The following C12orf42 variants were observed in gnomAD, a reference collection of about 807,000 sequenced individuals.
The protein encoded by C12orf42 is uncharacterized protein C12orf42.
A neutral mutation model predicts 21.6 loss-of-function variants in C12orf42; 25 were observed. The ratio of observed to expected loss-of-function variants is 1.16; its 90% CI spans 0.84 to 1.62. The LOEUF is 1.62. Among genes scored for constraint, C12orf42 ranks in the 40% most tolerant of loss-of-function variants. The pLI is 0.00. For synonymous variants in C12orf42, 174 were observed against 175.0 expected (o/e 0.99, Z 0.05); for missense variants, 483 against 459.3 (o/e 1.05, Z -0.47).
intron 4 of C12orf42, among the ~76,000 whole-genome samples, chr12:103,327,681 C>G (rs1347184535): frequency 1.3e-5 from 2 of 152,168 alleles, no homozygotes; most frequent in African/African-American, 4.8e-5. Flanking sequence ...ACCATACATA[C>G]AGGTAGGATG....
the C12orf42 span, among the ~76,000 whole-genome samples, chr12:103,085,589 G>T: frequency 6.7e-6 from 1 of 150,044 alleles, no homozygotes; most frequent in African/African-American, 2.5e-5. Context: ...GACCTCCTCC[G>T]CTCAAATTAA....
chr12:103,476,244 A>G (rs1592972121), intron 2 of C12orf42, among the ~76,000 whole-genome samples: 1 of 152,188 alleles, frequency 6.6e-6, no homozygotes, highest in Non-Finnish European at 1.5e-5. Context: ...CAGCTCTGAG[A>G]CATGTTTGTT....
chr12:103,514,469 G>A, the C12orf42 span, among the ~76,000 whole-genome samples: 1 of 152,120 alleles, frequency 6.6e-6, no homozygotes, highest in Non-Finnish European at 1.5e-5. Flanking sequence ...AAGTGTGCAG[G>A]GCAGGGCCTA....
At chr12:103,230,760 T>G in the C12orf42 span, among the ~76,000 whole-genome samples, 1 of 152,242 alleles carries the variant, frequency 6.6e-6, no homozygotes, top group Non-Finnish European at 1.5e-5. Flanking sequence ...TAACTTTTAC[T>G]TTGTTGATTC....
the C12orf42 span, among the ~76,000 whole-genome samples, chr12:103,074,682 G>A: frequency 6.6e-6 from 1 of 152,180 alleles, no homozygotes; most frequent in Non-Finnish European, 1.5e-5. Context: ...ATAATATATA[G>A]TGATACCTAT....
chr12:103,102,764 G>A, the C12orf42 span, among the ~76,000 whole-genome samples: 2 of 152,152 alleles, frequency 1.3e-5, no homozygotes, highest in African/African-American at 4.8e-5. Context: ...GTCAGGTTGA[G>A]GTTTGCTGGA....
chr12:103,278,197 TG>T (rs1240707163), intron 4 of C12orf42, among the ~76,000 whole-genome samples: 6 of 151,918 alleles, frequency 3.9e-5, no homozygotes, highest in Admixed American at 1.3e-4. Context: ...GGAGCAACAA[TG>T]GGGGGGCTAT....
intron 4 of C12orf42, among the ~76,000 whole-genome samples, chr12:103,326,938 C>A (rs1375487124): frequency 1.3e-5 from 2 of 152,176 alleles, no homozygotes; most frequent in Non-Finnish European, 2.9e-5. Flanking sequence ...CTGCCTAGAC[C>A]AGTGTCCAGC....
At chr12:103,066,441 T>C in the C12orf42 span, among the ~76,000 whole-genome samples, 1 of 152,196 alleles carries the variant, frequency 6.6e-6, no homozygotes, top group Non-Finnish European at 1.5e-5. Context: ...GGAAGTTCCC[T>C]ATGATCAGTT....
the C12orf42 span, among the ~76,000 whole-genome samples, chr12:103,134,908 G>C: frequency 4.6e-5 from 7 of 152,292 alleles, no homozygotes; most frequent in East Asian, 1.2e-3. Context: ...CATGCTAACA[G>C]GGTATTTCTC....
chr12:103,367,978 T>C lies in C12orf42; in HGVS notation c.259+909A>G, dbSNP rs1253451282. ...AGTGAATGAATAAACACATTCAAAA[T>C]AATGCGTTGTTCAAATGAAAATGTA... On this transcript the variant is annotated intron_variant, in intron 4 of 5. Coordinates refer to ENST00000548883, the MANE Select transcript of C12orf42 (RefSeq NM_198521.5). 12 of 966,102 alleles carry C rather than the reference T, an allele frequency of 1.2e-5. No homozygotes were observed. In the African/African-American group the frequency reaches 1.4e-4, roughly 11 times the overall value. The allele number at this position is 966,102 out of a possible 1,614,324, so 59.8% of individuals were successfully genotyped here. A position where few individuals can be genotyped will look rare whatever the true frequency, so the allele number is the denominator to read the frequency against.
At chr12:103,265,478 A>C (rs779213758), downstream of C12orf42, among the ~76,000 whole-genome samples, 16 of 152,194 alleles carry the variant, frequency 1.1e-4, no homozygotes, top group Non-Finnish European at 2.2e-4. Context: ...TAGAATTAGA[A>C]TTGTGTAATA....
Position 103,401,653 on chromosome 12 carries a change from A to T in C12orf42, c.101T>A (p.Ile34Asn), listed in dbSNP as rs200782771. ...RMQKSPCYIP[I>N]VSSATLWDRS... is the part of the protein sequence containing the mutation. ...ATCCCACAGGGTGGCACTGCTCACA[A>T]TGGGAATATAGCAAGGGGATTTCTG... Residue 34 changes from isoleucine to asparagine, a missense_variant, in exon 3 of 6, where the codon ATT becomes AAT. By Grantham distance (149) the Ile-to-Asn change is moderately radical (BLOSUM62 -3). Coordinates refer to ENST00000548883, the MANE Select transcript of C12orf42 (RefSeq NM_198521.5). 7.4e-4 allele frequency: 1,198 copies of T among 1,613,890 alleles called. No homozygotes were observed. Among genetic ancestry groups the T allele is most frequent in the Non-Finnish European group, 9.6e-4 (1,131 of 1,179,794 alleles).
chr12:103,551,507 A>G, the C12orf42 span, among the ~76,000 whole-genome samples: 1 of 152,096 alleles, frequency 6.6e-6, no homozygotes, highest in African/African-American at 2.4e-5. Context: ...ATAGAGCAAG[A>G]CCCTGTCTCT....
chr12:103,135,041 C>T, the C12orf42 span, among the ~76,000 whole-genome samples: 41 of 152,182 alleles, frequency 2.7e-4, no homozygotes, highest in African/African-American at 9.6e-4. Flanking sequence ...GCAAAATTAT[C>T]CTTCATTAAT....
At chr12:103,192,570 G>T in the C12orf42 span, among the ~76,000 whole-genome samples, 1 of 151,004 alleles carries the variant, frequency 6.6e-6, no homozygotes, top group African/African-American at 2.4e-5. Context: ...CCATGCAAAT[G>T]GTAACCAAAA....
the C12orf42 span, chr12:103,178,034 C>T: frequency 6.6e-6 from 1 of 152,062 alleles, no homozygotes; most frequent in Non-Finnish European, 1.5e-5. Context: ...AGCAATGGTG[C>T]TTATTATTTC....
chr12:103,304,273 T>C (rs1440144966), intron 5 of C12orf42, among the ~76,000 whole-genome samples: 1 of 152,270 alleles, frequency 6.6e-6, no homozygotes, highest in African/African-American at 2.4e-5. Flanking sequence ...GAATGCTCAG[T>C]ATGTGATCAG....
chr12:103,316,264 C>G (rs2039487334), intron 4 of C12orf42, among the ~76,000 whole-genome samples: 1 of 151,696 alleles, frequency 6.6e-6, no homozygotes, highest in African/African-American at 2.4e-5. Context: ...GACTTCTCAT[C>G]AGAAATCATG....
Sources: gnomAD v4.1 joint callset for allele counts (sites outside exome capture counted in the v4.1 genomes callset) on GRCh38, gnomAD v4.1.1 for gene constraint, MANE v1.5 for transcripts, NCBI Gene and HGNC (gene_info 2026-07-23, HGNC 2026-07-21) for gene names.